ZNF385D: variants seen among roughly 807,000 people sequenced by gnomAD.
ZNF385D encodes the protein zinc finger protein 659.
A neutral mutation model predicts 35.8 loss-of-function variants in ZNF385D; 15 were observed. The observed-to-expected ratio is 0.42, with a 90% CI of 0.28 to 0.64. The LOEUF (loss-of-function observed/expected upper bound fraction) is 0.64, where lower values mean the gene tolerates loss of function less well. Ranked by LOEUF, ZNF385D falls within the 30% of genes least tolerant of loss-of-function variation. ZNF385D has a pLI of 0.23. For synonymous variants in ZNF385D, 212 were observed against 186.8 expected (o/e 1.13, Z -1.10); for missense variants, 474 against 494.6 (o/e 0.96, Z 0.39).
intron 2 of ZNF385D, among the ~76,000 whole-genome samples, chr3:22,197,921 T>C (rs910583518): frequency 6.6e-6 from 1 of 152,156 alleles, no homozygotes; most frequent in African/African-American, 2.4e-5. Flanking sequence ...TCATTTTATG[T>C]AGCTTTCATA....
At chr3:22,322,575 C>T (rs1178973137) in intron 2 of ZNF385D, among the ~76,000 whole-genome samples, 1 of 152,104 alleles carries the variant, frequency 6.6e-6, no homozygotes, top group Non-Finnish European at 1.5e-5. Flanking sequence ...TTTAACCTGC[C>T]CAATCAGTGA....
intron 3 of ZNF385D, among the ~76,000 whole-genome samples, chr3:21,801,139 T>C (rs1401392621): frequency 6.6e-6 from 1 of 152,190 alleles, no homozygotes; most frequent in Non-Finnish European, 1.5e-5. Context: ...ATTGATTTCA[T>C]ATGTTGAATC....
intron 3 of ZNF385D, among the ~76,000 whole-genome samples, chr3:21,835,658 A>G (rs1274740278): frequency 6.6e-6 from 1 of 152,138 alleles, no homozygotes; most frequent in Non-Finnish European, 1.5e-5. Context: ...GGAAGATTTT[A>G]TATTTACTTG....
intron 2 of ZNF385D, among the ~76,000 whole-genome samples, chr3:22,319,976 C>G (rs932841243): frequency 2.0e-5 from 3 of 152,026 alleles, no homozygotes; most frequent in Non-Finnish European, 2.9e-5. Context: ...ATCATCAGAA[C>G]TCTCTTTGAC....
intron 4 of ZNF385D, among the ~76,000 whole-genome samples, chr3:21,479,182 G>A (rs546316240): frequency 1.3e-5 from 2 of 150,404 alleles, no homozygotes; most frequent in East Asian, 3.9e-4. Context: ...CTTTAGAGGA[G>A]TCTAGAGCTC....
At chr3:21,946,196 A>C (rs1701773979) in intron 3 of ZNF385D, among the ~76,000 whole-genome samples, 1 of 152,110 alleles carries the variant, frequency 6.6e-6, no homozygotes. Flanking sequence ...GAGAAAGAGA[A>C]CTTTTCTCTT....
At position 21,437,208 on chromosome 3, in the gene ZNF385D, A is replaced by G. The variant is rs750243769; in HGVS notation, c.440-5T>C. The stretch of plus-strand genomic sequence containing the variant: ...CTGGTGTCCCTGCAGTACCGTCTGT[A>G]TTCAAAATAACACAGAAAAAAGGGG... On this transcript the variant is annotated splice_polypyrimidine_tract_variant and splice_region_variant and intron_variant, in intron 4 of 7. Transcript: ENST00000281523. The G allele has an allele frequency of 3.1e-6, 5 of 1,607,556 alleles. No homozygotes were observed. Among genetic ancestry groups the G allele is most frequent in the Non-Finnish European group, 4.2e-6 (5 of 1,176,616 alleles).
At chr3:21,885,791 G>C (rs1313904766) in intron 3 of ZNF385D, among the ~76,000 whole-genome samples, 1 of 147,550 alleles carries the variant, frequency 6.8e-6, no homozygotes, top group Admixed American at 6.8e-5. Flanking sequence ...AAGAAAGAGA[G>C]ACCGATTTAT....
chr3:21,961,102 A>G lies in ZNF385D; in HGVS notation c.325+207715T>C, dbSNP rs556619872. On this transcript the variant is annotated intron_variant, in intron 3 of 5. Transcript: ENST00000494108. The stretch of plus-strand genomic sequence containing the variant: ...TCATAACACAAAGAAATAATAAATG[A>G]GGAGACACGTGTTAATTATCCTGAT... Among the ~76,000 whole-genome samples, 79 of 152,258 alleles carry G rather than the reference A, an allele frequency of 5.2e-4. 2 individuals carry two copies. In the South Asian group the frequency reaches 0.016, roughly 31 times the overall value.
chr3:22,236,317 G>A (rs184043341), intron 2 of ZNF385D, among the ~76,000 whole-genome samples: 1 of 152,092 alleles, frequency 6.6e-6, no homozygotes, highest in African/African-American at 2.4e-5. Context: ...CTGGAAAGTT[G>A]ACTAGGAGAA....
At chr3:22,026,313 A>G (rs1697549425) in intron 3 of ZNF385D, among the ~76,000 whole-genome samples, 1 of 152,162 alleles carries the variant, frequency 6.6e-6, no homozygotes, top group Non-Finnish European at 1.5e-5. Flanking sequence ...CCCTTGAGAA[A>G]GGACCCCCCT....
At chr3:21,706,193 A>G (rs1391467839) in intron 1 of ZNF385D, among the ~76,000 whole-genome samples, 1 of 152,216 alleles carries the variant, frequency 6.6e-6, no homozygotes, top group African/African-American at 2.4e-5. Flanking sequence ...CAATGAGGAC[A>G]TACAACCTTA....
At chr3:21,742,908 A>T (rs2069587050) in intron 1 of ZNF385D, among the ~76,000 whole-genome samples, 1 of 152,214 alleles carries the variant, frequency 6.6e-6, no homozygotes, top group African/African-American at 2.4e-5. Flanking sequence ...CTCAATTTTC[A>T]TACATTTGTA....
At chr3:22,052,912 C>T (rs1329576982) in intron 3 of ZNF385D, among the ~76,000 whole-genome samples, 1 of 45,878 alleles carries the variant, frequency 2.2e-5, no homozygotes, top group Admixed American at 3.0e-4. Context: ...AGCTGTCAGA[C>T]AGGGACACTT....
At chr3:22,147,497 G>GAGTT (rs1051865270) in intron 3 of ZNF385D, among the ~76,000 whole-genome samples, 40 of 152,234 alleles carry the variant, frequency 2.6e-4, no homozygotes, top group African/African-American at 8.7e-4. Flanking sequence ...GGGAAGCCTG[G>GAGTT]AGTTCCTGGT....
At chr3:21,711,995 ATAACAATACTATCTAAT>A (rs571505446) in intron 1 of ZNF385D, among the ~76,000 whole-genome samples, 104 of 152,362 alleles carry the variant, frequency 6.8e-4, no homozygotes, top group African/African-American at 2.5e-3. Context: ...ATAGCTGATT[ATAACAATACTATCTAAT>A]TATTTATTTG....
intron 2 of ZNF385D, among the ~76,000 whole-genome samples, chr3:21,610,992 A>G (rs1026698104): frequency 6.6e-6 from 1 of 152,164 alleles, no homozygotes; most frequent in Non-Finnish European, 1.5e-5. Flanking sequence ...GGCTTGAGGT[A>G]GCCCCAAATT....
chr3:22,103,240 T>C (rs1345802551), intron 3 of ZNF385D, among the ~76,000 whole-genome samples: 1 of 151,506 alleles, frequency 6.6e-6, no homozygotes, highest in Non-Finnish European at 1.5e-5. Flanking sequence ...TACATGTCTG[T>C]CTTCCCTGAT....
intron 3 of ZNF385D, among the ~76,000 whole-genome samples, chr3:21,779,591 CTTT>C (rs1168604526): frequency 6.6e-6 from 1 of 151,820 alleles, no homozygotes. Context: ...AATAAAAATA[CTTT>C]TTTGACTTGA....
Sources: allele counts gnomAD v4.1 joint callset (sites outside exome capture counted in the v4.1 genomes callset), GRCh38; gene constraint gnomAD v4.1.1; transcripts MANE v1.5; gene names NCBI Gene and HGNC (gene_info 2026-07-23, HGNC 2026-07-21).